Variants in KHDRBS3 observed in about 807,000 individuals in gnomAD.
KHDRBS3 encodes the protein KH domain-containing, RNA-binding, signal transduction-associated protein 3.
KHDRBS3 carries 23 observed loss-of-function variants against 45.6 expected under a neutral mutation model. The ratio of observed to expected loss-of-function variants is 0.50; its 90% CI spans 0.36 to 0.72. The LOEUF is 0.72. Among genes scored for constraint, KHDRBS3 ranks in the 30% least tolerant of loss-of-function variants. KHDRBS3 has a pLI of 0.00. For missense variants in KHDRBS3, 352 were observed against 424.8 expected (o/e 0.83, Z 1.51); for synonymous variants, 162 against 156.5 (o/e 1.04, Z -0.26).
chr8:135,558,122 T>TC (rs1315685489), intron 5 of KHDRBS3, among the ~76,000 whole-genome samples: 2 of 152,220 alleles, frequency 1.3e-5, no homozygotes, highest in Non-Finnish European at 2.9e-5. Flanking sequence ...ACATCACCAA[T>TC]CCTAAGCACA....
chr8:135,630,086 G>A (rs1830531523), intron 7 of KHDRBS3, among the ~76,000 whole-genome samples: 1 of 152,192 alleles, frequency 6.6e-6, no homozygotes, highest in Non-Finnish European at 1.5e-5. Flanking sequence ...AGTAAGGAAT[G>A]TCTGGTACCA....
At chr8:135,513,560 C>G (rs561653259) in intron 1 of KHDRBS3, among the ~76,000 whole-genome samples, 2 of 152,132 alleles carry the variant, frequency 1.3e-5, no homozygotes, top group Non-Finnish European at 2.9e-5. Flanking sequence ...AAGACTCTTA[C>G]TCTCTGAGGT....
intron 8 of KHDRBS3, among the ~76,000 whole-genome samples, chr8:135,646,142 G>A (rs1179904556): frequency 1.3e-5 from 2 of 151,744 alleles, no homozygotes; most frequent in Admixed American, 6.6e-5. Flanking sequence ...AAAAGAAGAG[G>A]TCATTTTAAG....
At chr8:135,530,090 T>A (rs1374090131) in intron 2 of KHDRBS3, among the ~76,000 whole-genome samples, 1 of 151,464 alleles carries the variant, frequency 6.6e-6, no homozygotes, top group East Asian at 1.9e-4. Context: ...AAGTCTGTGA[T>A]GAATTTTGTT....
intron 7 of KHDRBS3, among the ~76,000 whole-genome samples, chr8:135,609,975 C>G (rs1829642619): frequency 6.6e-6 from 1 of 151,840 alleles, no homozygotes; most frequent in Non-Finnish European, 1.5e-5. Flanking sequence ...GGCATCAACC[C>G]CGTCCTATAC....
At chr8:135,484,973 T>A (rs1048712083) in intron 1 of KHDRBS3, among the ~76,000 whole-genome samples, 1 of 152,220 alleles carries the variant, frequency 6.6e-6, no homozygotes, top group Non-Finnish European at 1.5e-5. Flanking sequence ...CACACGAAGA[T>A]AAGAAATAGC....
chr8:135,602,460 C>T lies in KHDRBS3; in HGVS notation c.808-4495C>T, dbSNP rs181769621. ...ATATCGAAGTCAATAACTCAAAGAC[C>T]TAAACAATTTGAAAATTCAGATAAA... is the stretch of plus-strand genomic sequence containing the variant. On this transcript the variant is annotated intron_variant, in intron 6 of 8. Coordinates refer to ENST00000355849, the MANE Select transcript of KHDRBS3 (RefSeq NM_006558.3). 7.2e-5 allele frequency among the ~76,000 whole-genome samples: 11 copies of T among 152,196 alleles called. No individual in the cohort carries two copies. In the East Asian group the frequency reaches 1.9e-3, roughly 27 times the overall value.
At chr8:135,491,519 T>A (rs1463112167) in intron 1 of KHDRBS3, among the ~76,000 whole-genome samples, 1 of 152,240 alleles carries the variant, frequency 6.6e-6, no homozygotes, top group Non-Finnish European at 1.5e-5. Flanking sequence ...ACTGTGTGTA[T>A]GTATGTGTGT....
chr8:135,485,225 G>A (rs777219658), intron 1 of KHDRBS3, among the ~76,000 whole-genome samples: 1 of 152,092 alleles, frequency 6.6e-6, no homozygotes, highest in Non-Finnish European at 1.5e-5. Context: ...AGCACCTACA[G>A]CAGTGACTGA....
intron 6 of KHDRBS3, among the ~76,000 whole-genome samples, chr8:135,593,148 T>G (rs1828823694): frequency 6.6e-6 from 1 of 152,164 alleles, no homozygotes; most frequent in African/African-American, 2.4e-5. Context: ...TGTCTTGCTT[T>G]GATGCAGATA....
chr8:135,571,169 G>A (rs770680400), intron 5 of KHDRBS3, among the ~76,000 whole-genome samples: 2 of 152,116 alleles, frequency 1.3e-5, no homozygotes, highest in South Asian at 2.1e-4. Flanking sequence ...AATGTTCTGC[G>A]CCTGCTGTAG....
chr8:135,578,454 G>T (rs1828049886), intron 5 of KHDRBS3, among the ~76,000 whole-genome samples: 1 of 149,820 alleles, frequency 6.7e-6, no homozygotes, highest in Non-Finnish European at 1.5e-5. Flanking sequence ...ATATTCACTT[G>T]TTCCTATACC....
chr8:135,650,797 T>C (rs34915587), downstream of KHDRBS3, among the ~76,000 whole-genome samples: 24,686 of 152,194 alleles, frequency 0.16, 2,570 homozygotes, highest in Middle Eastern at 0.27. Flanking sequence ...CCCCTTCTCT[T>C]TCTCTACCCC....
At chr8:135,593,195 G>C (rs1458898435) in intron 6 of KHDRBS3, 1 of 152,104 alleles carries the variant, frequency 6.6e-6, no homozygotes, top group African/African-American at 2.4e-5. Flanking sequence ...TTTTAAATCT[G>C]CTGATTCTCA....
rs148641613 is a variant in KHDRBS3 at position 135,504,510 on chromosome 8, A to G, written c.89-16727A>G. 1.2e-3 allele frequency among the ~76,000 whole-genome samples: 189 copies of G among 152,358 alleles called. 1 individual carries two copies. The highest frequency in any genetic ancestry group is 4.3e-3 in the African/African-American group (180 of 41,582). On this transcript the variant is annotated intron_variant, in intron 1 of 8. Transcript: ENST00000355849. Reference sequence around the variant, plus strand: ...TTCTTTGTCAGAGGCATAATTAACAATATGATTTGTACATCTACTGCCTTC... The same window carrying G: ...TTCTTTGTCAGAGGCATAATTAACAGTATGATTTGTACATCTACTGCCTTC...
intron 1 of KHDRBS3, among the ~76,000 whole-genome samples, chr8:135,481,741 T>C (rs1341256256): frequency 1.3e-5 from 2 of 152,232 alleles, no homozygotes; most frequent in Non-Finnish European, 2.9e-5. Flanking sequence ...TGAGTTGTAT[T>C]AGTTACACTC....
chr8:135,531,416 G>A (rs1444249802), intron 2 of KHDRBS3, among the ~76,000 whole-genome samples: 2 of 62,318 alleles, frequency 3.2e-5, no homozygotes. Context: ...AGTAATCTCT[G>A]CAACAACAAA....
At chr8:135,627,266 G>C (rs1180671560) in intron 7 of KHDRBS3, among the ~76,000 whole-genome samples, 1 of 152,142 alleles carries the variant, frequency 6.6e-6, no homozygotes, top group Non-Finnish European at 1.5e-5. Flanking sequence ...TCTATCCCAA[G>C]GCTCTTCTCA....
rs118109317 is a variant in KHDRBS3, at chr8:135,597,303, C to T, written c.808-9652C>T. Among the ~76,000 whole-genome samples the T allele has an allele frequency of 8.5e-5, 13 of 152,236 alleles. No individual in the cohort carries two copies. The East Asian group carries it at 2.5e-3, about 30-fold the overall frequency. ...GAGAGCCTGCATGTCTTAAGCACTT[C>T]GCAAGAGGCCCAACTTCTTAATTCC... On this transcript the variant is annotated intron_variant, in intron 6 of 8. Transcript: ENST00000355849.
Sources: gnomAD v4.1 joint callset for allele counts (sites outside exome capture counted in the v4.1 genomes callset) on GRCh38, gnomAD v4.1.1 for gene constraint, MANE v1.5 for transcripts, NCBI Gene and HGNC (gene_info 2026-07-23, HGNC 2026-07-21) for gene names.